The following HTT variants were observed in gnomAD, a reference collection of about 807,000 sequenced individuals.
HTT encodes the protein huntington disease protein.
A neutral mutation model predicts 362.3 loss-of-function variants in HTT; 104 were observed. The observed-to-expected ratio is 0.29, with a 90% CI of 0.24 to 0.34. The LOEUF (loss-of-function observed/expected upper bound fraction) is 0.34. HTT is among the 10% of genes least tolerant of loss of function. The pLI, the probability that HTT is intolerant of heterozygous loss-of-function variation, is 1.00. For missense variants in HTT, 3,301 were observed against 3,928.6 expected, an observed-to-expected ratio of 0.84 and a Z score of 4.27; for synonymous variants, 1,577 against 1,548.7, an observed-to-expected ratio of 1.02 and a Z score of -0.43.
intron 26 of HTT, among the ~76,000 whole-genome samples, chr4:3,150,439 G>C (rs371702862): frequency 6.6e-6 from 1 of 152,158 alleles, no homozygotes; most frequent in East Asian, 1.9e-4. Context: ...TGTCTCTGGA[G>C]CTGCAGTTCA....
rs374360323 is a variant in HTT, at chr4:3,212,692, G to A, written c.6757G>A (p.Val2253Met). 4 of 1,614,234 alleles carry A rather than the reference G, an allele frequency of 2.5e-6. No homozygotes were observed. The highest frequency in any genetic ancestry group is 1.1e-5 in the South Asian group (1 of 91,082). Residue 2253 changes from valine to methionine, a missense_variant, in exon 49 of 67, where the codon GTG (valine) becomes ATG (methionine). Val to Met is a conservative substitution (Grantham distance 21, BLOSUM62 1). Coordinates refer to ENST00000355072, the MANE Select transcript of HTT (RefSeq NM_001388492.1). ...PEKEKDIVKF[V>M]VATLEALSWH... Reference sequence around the variant, plus strand: ...GAAAGAGAAGGACATTGTGAAATTCGTGGTGGCAACCCTTGAGGTAAGAGG... The same window carrying A: ...GAAAGAGAAGGACATTGTGAAATTCATGGTGGCAACCCTTGAGGTAAGAGG...
chr4:3,224,250 T>C, intron 56 of HTT, 119 bp downstream of exon 56: 1 of 1,018,244 alleles, frequency 9.8e-7, no homozygotes, highest in Non-Finnish European at 1.5e-6. Flanking sequence ...TTGGAGGCTG[T>C]GGTGCTAAAT....
intron 1 of HTT, among the ~76,000 whole-genome samples, chr4:3,083,563 AC>A (rs1713035399): frequency 6.6e-6 from 1 of 150,388 alleles, no homozygotes; most frequent in Non-Finnish European, 1.5e-5. Flanking sequence ...ACACACACAC[AC>A]ACACACACAC....
chr4:3,123,710 T>A (rs1379514980), intron 10 of HTT, among the ~76,000 whole-genome samples: 2 of 152,166 alleles, frequency 1.3e-5, no homozygotes, highest in Non-Finnish European at 2.9e-5. Flanking sequence ...AAAGTTTCCT[T>A]TGTTGGGTTA....
rs1018502849 is a variant in HTT, at chr4:3,078,579, G to GT, written c.263+3499dup. On this transcript the variant is annotated intron_variant, in intron 1 of 66. Transcript: ENST00000355072. ...TTTTTATTTTATTTTGTTTTGTTTTGTTTTTTTTGAGACAGTTCTTGCTCT... is the reference window on the plus strand; with the variant it reads ...TTTTTATTTTATTTTGTTTTGTTTTGTTTTTTTTTGAGACAGTTCTTGCTCT... 1.7e-3 allele frequency among the ~76,000 whole-genome samples: 257 copies of GT among 151,812 alleles called. 1 individual carries two copies. The highest frequency in any genetic ancestry group is 5.8e-3 in the African/African-American group (241 of 41,408).
chr4:3,241,786 C>T lies in HTT; in HGVS notation c.*1727C>T, dbSNP rs1366638760. 2.0e-5 allele frequency: 3 copies of T among 152,222 alleles called. No homozygotes were observed. Among genetic ancestry groups the T allele is most frequent in the African/African-American group, 7.2e-5 (3 of 41,456 alleles). 9.4% of individuals were successfully genotyped at this position (152,222 alleles called of 1,614,324 possible). On this transcript the variant is annotated 3_prime_UTR_variant, in exon 67 of 67. Coordinates refer to ENST00000355072, the MANE Select transcript of HTT (RefSeq NM_001388492.1). ...AGCCCCTCCTCTGAGCAGCCTCTGC[C>T]AGGCCTGTATGAGGCTTTTCCCACC... is the stretch of plus-strand genomic sequence containing the variant.
chr4:3,195,029 T>G (rs1286059862), intron 40 of HTT, among the ~76,000 whole-genome samples: 1 of 152,178 alleles, frequency 6.6e-6, no homozygotes, highest in Non-Finnish European at 1.5e-5. Flanking sequence ...AAACCAAGAA[T>G]GAAAACCCAA....
At chr4:3,139,494 A>C (rs536809542) in intron 21 of HTT, among the ~76,000 whole-genome samples, 25 of 152,200 alleles carry the variant, frequency 1.6e-4, no homozygotes, top group Non-Finnish European at 2.9e-4. Context: ...CACCGTACCC[A>C]GCCAGTAGTT....
In HTT at chr4:3,206,774, G is replaced by A. The variant is rs143595201; in HGVS notation, c.5899-33G>A. 5.8e-5 allele frequency: 92 copies of A among 1,591,190 alleles called. No homozygotes were observed. The East Asian group carries it at 1.8e-3, about 31-fold the overall frequency. On this transcript the variant is annotated intron_variant, in intron 43 of 66. Coordinates refer to ENST00000355072, the MANE Select transcript of HTT (RefSeq NM_001388492.1). The surrounding 1 kb of genome is among the most constrained non-coding windows in gnomAD (Gnocchi z 4.6). Reference sequence around the variant, plus strand: ...ACTTTAATTTCTGATTTGCAAAATAGTCATCTTTTGTTCTTTTCCTTCTTG... The same window carrying A: ...ACTTTAATTTCTGATTTGCAAAATAATCATCTTTTGTTCTTTTCCTTCTTG...
intron 47 of HTT, among the ~76,000 whole-genome samples, chr4:3,210,281 C>T (rs765839736): frequency 2.4e-4 from 36 of 152,324 alleles, no homozygotes; most frequent in Admixed American, 1.3e-3. Flanking sequence ...ATCTGGCCTC[C>T]ACTGGAGGAA....
chr4:3,208,992 G>A, intron 46 of HTT, 81 bp downstream of exon 46: 4 of 1,444,562 alleles, frequency 2.8e-6, no homozygotes, highest in African/African-American at 1.4e-5. Context: ...AGAGTGCAGA[G>A]GAGGTGCCGT....
chr4:3,231,760 G>T (rs1721267314), intron 60 of HTT, among the ~76,000 whole-genome samples: 1 of 152,180 alleles, frequency 6.6e-6, no homozygotes, highest in Non-Finnish European at 1.5e-5. Flanking sequence ...CTTGGAAGGG[G>T]TCCTTCTCCT....
intron 1 of HTT, among the ~76,000 whole-genome samples, chr4:3,078,710 A>G (rs1178114677): frequency 6.6e-6 from 1 of 151,490 alleles, no homozygotes; most frequent in African/African-American, 2.4e-5. Flanking sequence ...CTGGGATTAT[A>G]GACATGCACT....
rs749595078 is a variant in HTT at position 3,206,601 on chromosome 4, G to A, written c.5824G>A (p.Ala1942Thr). 11 of 1,613,982 alleles carry A rather than the reference G, an allele frequency of 6.8e-6. No individual in the cohort carries two copies. Among genetic ancestry groups the A allele is most frequent in the South Asian group, 1.1e-5 (1 of 91,084 alleles). ...GCCTCCAGTACAGGACTTCATCAGTGCCGTTCATCGGAACTCTGCTGCCAG... is the reference window on the plus strand; with the variant it reads ...GCCTCCAGTACAGGACTTCATCAGTACCGTTCATCGGAACTCTGCTGCCAG... ...HEPPVQDFIS[A>T]VHRNSAASGL... The change falls in exon 43 of 67, where the codon GCC (alanine) becomes ACC (threonine). Residue 1942 changes from alanine (A) to threonine (T), a missense_variant. Ala to Thr is a moderately conservative substitution (Grantham distance 58). Around this residue, in one of 4 missense-constraint regions of HTT, gnomAD observed 2,316 missense variants for 2,658.5 expected, o/e 0.87. Transcript: ENST00000355072. The surrounding 1 kb of genome is among the most constrained non-coding windows in gnomAD (Gnocchi z 4.6).
intron 66 of HTT, among the ~76,000 whole-genome samples, chr4:3,239,288 C>T (rs1196874758): frequency 2.0e-5 from 3 of 152,168 alleles, no homozygotes; most frequent in African/African-American, 4.8e-5. Context: ...CCCGCCCACT[C>T]GCGGGCTCTG....
At position 3,215,178 on chromosome 4, in the gene HTT, G is replaced by A. The variant is rs753067572; in HGVS notation, c.7021G>A (p.Glu2341Lys). Residue 2341 changes from glutamate (E) to lysine (K), a missense_variant, in exon 51 of 67, where the codon GAG becomes AAG. Physicochemically the swap from Glu to Lys is moderately conservative, Grantham distance 56 (BLOSUM62 1). This residue lies in a region of HTT where 220 missense variants were observed against 218.5 expected (regional missense o/e 1.01). Coordinates refer to ENST00000355072, the MANE Select transcript of HTT (RefSeq NM_001388492.1). ...RRTNTPKAIS[E>K]EEEEVDPNTQ... ...GACAAATACCCCAAAAGCCATCAGC[G>A]AGGAGGAGGAGGAAGTAGATCCAAA... 39 of 1,602,566 alleles carry A rather than the reference G, an allele frequency of 2.4e-5. No individual in the cohort carries two copies. Among genetic ancestry groups the A allele is most frequent in the African/African-American group, 4.0e-5 (3 of 74,680 alleles).
chr4:3,217,952 GGT>G lies in HTT; in HGVS notation c.7242+2_7242+3del. 1 of 1,604,996 alleles carries G rather than the reference GGT, an allele frequency of 6.2e-7. No individual in the cohort carries two copies. Reference sequence around the variant, plus strand: ...ACAGCTACACACGTGTGCCCCCACTGGTGAGTCTGCTCGTTCCTTGCAGAAGA... The same window carrying G: ...ACAGCTACACACGTGTGCCCCCACTGGAGTCTGCTCGTTCCTTGCAGAAGA... On this transcript the variant is annotated splice_donor_variant, in intron 52 of 66. Coordinates refer to ENST00000355072, the MANE Select transcript of HTT (RefSeq NM_001388492.1). LOFTEE classifies it high-confidence loss of function.
chr4:3,154,343 A>G lies in HTT; in HGVS notation c.3549A>G (p.Arg1183=). Residue 1183 remains arginine, a synonymous_variant, in exon 27 of 67, where the codon CGA becomes CGG. Coordinates refer to ENST00000355072, the MANE Select transcript of HTT (RefSeq NM_001388492.1). ...TNPPSLSPIR[R]KGKEKEPGEQ... ...CCCCTTCTCTAAGTCCCATCCGACG[A>G]AAGGGGAAGGAGAAAGAACCAGGAG... is the stretch of plus-strand genomic sequence containing the variant. 6.2e-7 allele frequency: 1 copy of G among 1,613,056 alleles called. No homozygotes were observed. Among genetic ancestry groups the G allele is most frequent in the East Asian group, 2.2e-5 (1 of 44,866 alleles).
At chr4:3,235,898 C>T in intron 63 of HTT, 120 bp downstream of exon 63, 1 of 838,752 alleles carries the variant, frequency 1.2e-6, no homozygotes. Flanking sequence ...GGTGTTGCCC[C>T]AAGCCGGCCC....
Sources: gnomAD v4.1 joint callset for allele counts (sites outside exome capture counted in the v4.1 genomes callset) on GRCh38, gnomAD v4.1.1 for gene constraint, gnomAD v4.1.1 regional missense constraint, Gnocchi (gnomAD v3.1) non-coding constraint, MANE v1.5 for transcripts, NCBI Gene and HGNC (gene_info 2026-07-23, HGNC 2026-07-21) for gene names.